BRSK1: variants seen among roughly 807,000 people sequenced by gnomAD.
BRSK1 encodes the protein serine/threonine-protein kinase BRSK1.
BRSK1 carries 17 observed loss-of-function variants against 86.2 expected under a neutral mutation model. That is an observed-to-expected ratio of 0.20 (90% confidence interval 0.14 to 0.30). The LOEUF is 0.30. BRSK1 is among the 10% of genes least tolerant of loss of function. The pLI, the probability that BRSK1 is intolerant of heterozygous loss-of-function variation, is 1.00. For synonymous variants in BRSK1, 464 were observed against 440.1 expected (o/e 1.05, Z -0.68); for missense variants, 719 against 1,071.9 (o/e 0.67, Z 4.60).
At chr19:55,291,521 AG>A (rs1271965799) in intron 4 of BRSK1, among the ~76,000 whole-genome samples, 2 of 152,232 alleles carry the variant, frequency 1.3e-5, no homozygotes, top group Non-Finnish European at 2.9e-5. Context: ...CTCAAAAAAA[AG>A]AAAAGTTATT....
rs1047462457 is a variant in BRSK1 at position 55,284,084 on chromosome 19, G to C, written c.-359G>C. On this transcript the variant is annotated 5_prime_UTR_variant, in exon 1 of 19. Coordinates refer to ENST00000309383, the MANE Select transcript of BRSK1 (RefSeq NM_032430.2). ...AGGAGGCGGAGGAGAGAGGGCGCGT[G>C]GGGGGGCGGGGGGGACCTCGGCCTG... is the stretch of plus-strand genomic sequence containing the variant. The C allele has an allele frequency of 3.0e-6, 3 of 985,590 alleles. No individual in the cohort carries two copies. Among genetic ancestry groups the C allele is most frequent in the African/African-American group, 1.7e-5 (1 of 59,572 alleles). 61.1% of individuals were successfully genotyped at this position (985,590 alleles called of 1,614,324 possible).
chr19:55,294,594 C>T lies in BRSK1; in HGVS notation c.678+197C>T, dbSNP rs2088458293. The stretch of plus-strand genomic sequence containing the variant: ...TCAGCTCACTGCAACCTCTGCCTCC[C>T]AGCTTCAAGCAATTCTCCTGCCTCA... On this transcript the variant is annotated intron_variant, in intron 7 of 18. Transcript: ENST00000309383. The surrounding 1 kb of genome is among the most constrained non-coding windows in gnomAD (Gnocchi z 4.9). 6.6e-6 allele frequency among the ~76,000 whole-genome samples: 1 copy of T among 152,024 alleles called. No homozygotes were observed. Among genetic ancestry groups the T allele is most frequent in the Admixed American group, 6.6e-5 (1 of 15,250 alleles).
chr19:55,295,693 C>G (rs1222444357), intron 7 of BRSK1, among the ~76,000 whole-genome samples: 2 of 152,164 alleles, frequency 1.3e-5, no homozygotes, highest in African/African-American at 4.8e-5. Context: ...CCAGGCCGGG[C>G]ACGGAGGCTC....
At chr19:55,296,415 T>C (rs2088487518) in intron 7 of BRSK1, among the ~76,000 whole-genome samples, 1 of 152,104 alleles carries the variant, frequency 6.6e-6, no homozygotes, top group South Asian at 2.1e-4. Flanking sequence ...AATCAGCAGT[T>C]GTCCGGGCGC....
Position 55,305,601 on chromosome 19 carries a change from T to TC in BRSK1, c.1890+19dup. On this transcript the variant is annotated intron_variant, in intron 16 of 18. Transcript: ENST00000309383. ...CCTTTCTGTCGGTGAGGGGCCTGGGTCCCCATCGAGCCTGGCCCCCGCAGA... is the reference window on the plus strand; with the variant it reads ...CCTTTCTGTCGGTGAGGGGCCTGGGTCCCCCATCGAGCCTGGCCCCCGCAGA... 6.2e-7 allele frequency: 1 copy of TC among 1,613,738 alleles called. No homozygotes were observed. Among genetic ancestry groups the TC allele is most frequent in the Non-Finnish European group, 8.5e-7 (1 of 1,180,014 alleles).
At chr19:55,295,837 C>T (rs561920657) in intron 7 of BRSK1, among the ~76,000 whole-genome samples, 1 of 152,064 alleles carries the variant, frequency 6.6e-6, no homozygotes, top group Non-Finnish European at 1.5e-5. Context: ...GGCTTGGTGG[C>T]GCATGCCTGT....
chr19:55,294,855 G>T lies in BRSK1; in HGVS notation c.678+458G>T, dbSNP rs1329581901. Among the ~76,000 whole-genome samples the T allele has an allele frequency of 6.6e-6, 1 of 152,148 alleles. No individual in the cohort carries two copies. Among genetic ancestry groups the T allele is most frequent in the Non-Finnish European group, 1.5e-5 (1 of 68,030 alleles). On this transcript the variant is annotated intron_variant, in intron 7 of 18. Transcript: ENST00000309383. This position sits in a 1 kb window ranked among gnomAD's most constrained non-coding sequence, Gnocchi z 4.9. ...CTTGCTCTGTTGCCCAGGCTGGAGTGCAGTGGTGCAGTCTTGGCTCACTGC... is the reference window on the plus strand; with the variant it reads ...CTTGCTCTGTTGCCCAGGCTGGAGTTCAGTGGTGCAGTCTTGGCTCACTGC...
In BRSK1 at chr19:55,303,159, T is replaced by TG; in HGVS notation, c.1029-152_1029-151insG. On this transcript the variant is annotated intron_variant, in intron 10 of 18. Transcript: ENST00000309383. This position sits in a 1 kb window ranked among gnomAD's most constrained non-coding sequence, Gnocchi z 5.1. Reference sequence around the variant, plus strand: ...AATTGAGTGAAACACAGCTGAGATGTACCCTAAACCAGAGAAACTGACCAT... The same window carrying TG: ...AATTGAGTGAAACACAGCTGAGATGTGACCCTAAACCAGAGAAACTGACCAT... 1 of 666,434 alleles carries TG rather than the reference T, an allele frequency of 1.5e-6. No individual in the cohort carries two copies. The highest frequency in any genetic ancestry group is 2.6e-6 in the Non-Finnish European group (1 of 390,480). 41.3% of individuals were successfully genotyped at this position (666,434 alleles called of 1,614,324 possible).
intron 1 of BRSK1, among the ~76,000 whole-genome samples, chr19:55,286,081 GGCC>G (rs2088309169): frequency 7.6e-6 from 1 of 131,202 alleles, no homozygotes. Context: ...AGGGGCTGGG[GGCC>G]TGGAGTGCTG....
chr19:55,288,510 AAC>A (rs1253570687), intron 3 of BRSK1, among the ~76,000 whole-genome samples: 4 of 150,974 alleles, frequency 2.6e-5, no homozygotes, highest in African/African-American at 9.7e-5. Context: ...CAACAACAAC[AAC>A]AAAAAAAAAT....
chr19:55,301,958 C>A (rs2088577224), intron 8 of BRSK1, 179 bp from the exon 9 acceptor site: 6 of 865,184 alleles, frequency 6.9e-6, no homozygotes, highest in African/African-American at 1.6e-5. Flanking sequence ...ACGGAGACCG[C>A]GCGTGCGCGG....
At chr19:55,288,345 A>G (rs1001326330) in intron 3 of BRSK1, among the ~76,000 whole-genome samples, 3 of 151,804 alleles carry the variant, frequency 2.0e-5, no homozygotes, top group African/African-American at 7.3e-5. Flanking sequence ...GTGTGGTGGT[A>G]CACCTGTAGT....
In BRSK1 at chr19:55,303,718, G is replaced by C. The variant is rs200027140; in HGVS notation, c.1178G>C (p.Arg393Pro). Residue 393 changes from arginine to proline, a missense_variant, in exon 12 of 19, where the codon CGG (arginine) becomes CCG (proline). By Grantham distance (103) the Arg-to-Pro change is moderately radical. Coordinates refer to ENST00000309383, the MANE Select transcript of BRSK1 (RefSeq NM_032430.2). The surrounding 1 kb of genome is among the most constrained non-coding windows in gnomAD (Gnocchi z 5.1). ...CCCATGCTGAGCCGTCACGGGAAGC[G>C]GCGACCAGAGCGGAAGTCCATGGAA... is the stretch of plus-strand genomic sequence containing the variant. ...DSPMLSRHGK[R>P]RPERKSMEVL... 6.2e-7 allele frequency: 1 copy of C among 1,613,642 alleles called. No individual in the cohort carries two copies. The highest frequency in any genetic ancestry group is 8.5e-7 in the Non-Finnish European group (1 of 1,179,794).
In BRSK1 at chr19:55,304,243, C is replaced by A; in HGVS notation, c.1347+133C>A. The A allele has an allele frequency of 2.1e-6, 2 of 949,800 alleles. No individual in the cohort carries two copies. Among genetic ancestry groups the A allele is most frequent in the Non-Finnish European group, 3.1e-6 (2 of 648,564 alleles). The allele number at this position is 949,800 out of a possible 1,614,324, so 58.8% of individuals were successfully genotyped here. A position where few individuals can be genotyped will look rare whatever the true frequency, so the allele number is the denominator to read the frequency against. The stretch of plus-strand genomic sequence containing the variant: ...CTTTGTCCCTGGAGGGCCAAAGACC[C>A]AAGGCCTCCAAAGTATTTTGGTCCA... On this transcript the variant is annotated intron_variant, in intron 13 of 18. Coordinates refer to ENST00000309383, the MANE Select transcript of BRSK1 (RefSeq NM_032430.2). The surrounding 1 kb of genome is among the most constrained non-coding windows in gnomAD (Gnocchi z 5.2).
chr19:55,305,695 G>C, intron 16 of BRSK1, 109 bp downstream of exon 16: 2 of 1,508,692 alleles, frequency 1.3e-6, no homozygotes, highest in Non-Finnish European at 1.8e-6. Flanking sequence ...TGGGGCTCAT[G>C]GGATTTGTAG....
At position 55,303,129 on chromosome 19, in the gene BRSK1, A is replaced by G. The variant is rs2088596838; in HGVS notation, c.1029-182A>G. On this transcript the variant is annotated intron_variant, in intron 10 of 18. Transcript: ENST00000309383. This position sits in a 1 kb window ranked among gnomAD's most constrained non-coding sequence, Gnocchi z 5.1. ...CCTGGATGTTAGGTGTTACAGTGTT[A>G]TTATAATTGAGTGAAACACAGCTGA... The G allele has an allele frequency of 1.6e-6, 1 of 639,060 alleles. No individual in the cohort carries two copies. Among genetic ancestry groups the G allele is most frequent in the South Asian group, 2.0e-5 (1 of 50,094 alleles). The allele number at this position is 639,060 out of a possible 1,614,324, so 39.6% of individuals were successfully genotyped here.
rs2088577665 is a variant in BRSK1 at position 55,301,988 on chromosome 19, A to G, written c.826-149A>G. On this transcript the variant is annotated intron_variant, in intron 8 of 18. Coordinates refer to ENST00000309383, the MANE Select transcript of BRSK1 (RefSeq NM_032430.2). ...GCGCGGGGCGATGCACTCAGTCGCC[A>G]CTAGAGGGCGATGTAATATGTCATC... 13 of 987,418 alleles carry G rather than the reference A, an allele frequency of 1.3e-5. No homozygotes were observed. In the East Asian group the frequency reaches 3.1e-4, roughly 23 times the overall value. 61.2% of individuals were successfully genotyped at this position (987,418 alleles called of 1,614,324 possible).
intron 1 of BRSK1, 117 bp downstream of exon 1, chr19:55,284,695 T>C: frequency 5.6e-6 from 5 of 891,990 alleles, no homozygotes; most frequent in Non-Finnish European, 6.0e-6. Context: ...GGGCCCCTCA[T>C]AGAGAAGGGA....
intron 3 of BRSK1, among the ~76,000 whole-genome samples, chr19:55,289,084 T>C (rs1352101909): frequency 6.6e-6 from 1 of 152,098 alleles, no homozygotes; most frequent in Non-Finnish European, 1.5e-5. Flanking sequence ...CTTCCCAGGG[T>C]CCTATAAGAA....
Sources: allele counts gnomAD v4.1 joint callset (sites outside exome capture counted in the v4.1 genomes callset), GRCh38; gene constraint gnomAD v4.1.1; non-coding constraint Gnocchi (gnomAD v3.1); transcripts MANE v1.5; gene names NCBI Gene and HGNC (gene_info 2026-07-23, HGNC 2026-07-21).